SPMIP2: variants seen among roughly 807,000 people sequenced by gnomAD.
The protein encoded by SPMIP2 is protein SPMIP2.
At chr4:158,941,354 C>A in the SPMIP2 span, among the ~76,000 whole-genome samples, 2 of 152,172 alleles carry the variant, frequency 1.3e-5, no homozygotes, top group African/African-American at 4.8e-5. Flanking sequence ...AATGCCTCAA[C>A]CAAGCTTTCT....
the SPMIP2 span, among the ~76,000 whole-genome samples, chr4:158,983,304 C>G: frequency 1.3e-5 from 2 of 151,710 alleles, no homozygotes; most frequent in Non-Finnish European, 1.5e-5. Flanking sequence ...TCAGGAAATA[C>G]AGAGAACGCC....
At chr4:159,058,922 A>ATACCTTTAATGTGCC in the SPMIP2 span, among the ~76,000 whole-genome samples, 62,189 of 152,006 alleles carry the variant, frequency 0.41, 12,939 homozygotes, top group East Asian at 0.6. Flanking sequence ...ATGGCATGTA[A>ATACCTTTAATGTGCC]TTCCTACTTT....
At chr4:158,999,419 A>G in the SPMIP2 span, among the ~76,000 whole-genome samples, 847 of 152,324 alleles carry the variant, frequency 5.6e-3, 7 homozygotes, top group African/African-American at 0.02. Flanking sequence ...AGTGACTTCA[A>G]TTTAGGCCAG....
At chr4:159,044,642 C>T in the SPMIP2 span, among the ~76,000 whole-genome samples, 1 of 152,058 alleles carries the variant, frequency 6.6e-6, no homozygotes, top group Admixed American at 6.5e-5. Flanking sequence ...GGACACACAG[C>T]CCTTGGAAGG....
At chr4:159,001,664 A>G in the SPMIP2 span, among the ~76,000 whole-genome samples, 1 of 152,230 alleles carries the variant, frequency 6.6e-6, no homozygotes, top group Non-Finnish European at 1.5e-5. Flanking sequence ...TGTTCCCACA[A>G]AAGACAGGAT....
the SPMIP2 span, among the ~76,000 whole-genome samples, chr4:158,965,161 C>T: frequency 6.6e-6 from 1 of 151,922 alleles, no homozygotes; most frequent in Non-Finnish European, 1.5e-5. Context: ...AACAAAACAA[C>T]AAAGGTAAAT....
the SPMIP2 span, chr4:158,915,121 A>G: frequency 1.3e-6 from 2 of 1,515,428 alleles, no homozygotes; most frequent in Admixed American, 4.0e-5. Context: ...TTATATGTTA[A>G]AGCAGCCTGA....
At chr4:158,898,818 C>T in the SPMIP2 span, among the ~76,000 whole-genome samples, 15 of 152,270 alleles carry the variant, frequency 9.9e-5, no homozygotes, top group East Asian at 1.7e-3. Context: ...TATTTGAATA[C>T]GCTTTATTTC....
At chr4:158,925,069 T>C in the SPMIP2 span, among the ~76,000 whole-genome samples, 1 of 152,246 alleles carries the variant, frequency 6.6e-6, no homozygotes, top group African/African-American at 2.4e-5. Context: ...ATTGGAAGTG[T>C]TTCCTCCTCG....
At chr4:159,043,714 C>T in the SPMIP2 span, among the ~76,000 whole-genome samples, 1 of 152,198 alleles carries the variant, frequency 6.6e-6, no homozygotes, top group South Asian at 2.1e-4. Flanking sequence ...TCCATAAGCT[C>T]TTCTACAGTT....
chr4:159,045,133 G>C, the SPMIP2 span, among the ~76,000 whole-genome samples: 1 of 151,128 alleles, frequency 6.6e-6, no homozygotes. Flanking sequence ...GAGCCCAGAA[G>C]TCTGGAAAGT....
the SPMIP2 span, among the ~76,000 whole-genome samples, chr4:158,999,512 A>G: frequency 1.3e-5 from 2 of 152,238 alleles, no homozygotes; most frequent in African/African-American, 4.8e-5. Context: ...GCTGTAAGAA[A>G]AACATGTAAA....
At chr4:159,076,130 C>T in the SPMIP2 span, among the ~76,000 whole-genome samples, 4 of 152,038 alleles carry the variant, frequency 2.6e-5, no homozygotes, top group Non-Finnish European at 5.9e-5. Context: ...ACTATTGTCC[C>T]GATTTTACAG....
chr4:158,989,752 A>G, the SPMIP2 span, among the ~76,000 whole-genome samples: 7 of 152,232 alleles, frequency 4.6e-5, no homozygotes, highest in Non-Finnish European at 1.0e-4. Context: ...AAAGACTTAA[A>G]TGTAAGACCT....
the SPMIP2 span, among the ~76,000 whole-genome samples, chr4:158,949,396 A>G: frequency 1.3e-5 from 2 of 152,206 alleles, no homozygotes; most frequent in African/African-American, 4.8e-5. Context: ...AAGTCTGTAT[A>G]TTTAACAACA....
the SPMIP2 span, among the ~76,000 whole-genome samples, chr4:158,991,904 T>C: frequency 6.6e-6 from 1 of 152,150 alleles, no homozygotes; most frequent in African/African-American, 2.4e-5. Flanking sequence ...AGAAAATACT[T>C]TTTTTCCTTT....
chr4:159,038,947 G>A, the SPMIP2 span, among the ~76,000 whole-genome samples: 144 of 152,164 alleles, frequency 9.5e-4, no homozygotes, highest in African/African-American at 3.2e-3. Flanking sequence ...AGGTAATGAG[G>A]ACCCCTGATG....
At chr4:158,983,402 A>G in the SPMIP2 span, among the ~76,000 whole-genome samples, 4 of 151,752 alleles carry the variant, frequency 2.6e-5, no homozygotes, top group African/African-American at 9.7e-5. Context: ...TGTTAAGGGC[A>G]GCCAGAGAGA....
At chr4:158,910,955 T>A in the SPMIP2 span, among the ~76,000 whole-genome samples, 4 of 152,190 alleles carry the variant, frequency 2.6e-5, no homozygotes, top group Non-Finnish European at 5.9e-5. Flanking sequence ...AGGAGATCAG[T>A]CCAATGATAT....
Sources: allele counts gnomAD v4.1 joint callset (sites outside exome capture counted in the v4.1 genomes callset), GRCh38; gene constraint gnomAD v4.1.1; transcripts MANE v1.5; gene names NCBI Gene and HGNC (gene_info 2026-07-23, HGNC 2026-07-21).